The following ZNF423 variants were observed in gnomAD, a reference collection of about 807,000 sequenced individuals.
ZNF423 encodes zinc finger protein 423.
ZNF423 carries 12 observed loss-of-function variants against 95.8 expected under a neutral mutation model. That is an observed-to-expected ratio of 0.13 (90% CI 0.08 to 0.20). ZNF423 has a LOEUF of 0.20. ZNF423 is among the 10% of genes least tolerant of loss of function. ZNF423 has a pLI of 1.00. For synonymous variants in ZNF423, 749 were observed against 711.9 expected (o/e 1.05, Z -0.83); for missense variants, 1,316 against 1,737.1 (o/e 0.76, Z 4.31).
At chr16:49,574,853 A>G (rs1011662465) in intron 5 of ZNF423, among the ~76,000 whole-genome samples, 5 of 152,168 alleles carry the variant, frequency 3.3e-5, no homozygotes, top group African/African-American at 1.2e-4. Flanking sequence ...AATTATCAAA[A>G]TAACATTTTA....
chr16:49,532,977 G>T (rs375832254), intron 5 of ZNF423, among the ~76,000 whole-genome samples: 4 of 152,152 alleles, frequency 2.6e-5, no homozygotes, highest in African/African-American at 7.2e-5. Flanking sequence ...CCAATTCCAC[G>T]CATGGGCACG....
chr16:49,673,534 G>A (rs896645212), intron 3 of ZNF423, among the ~76,000 whole-genome samples: 1 of 152,216 alleles, frequency 6.6e-6, no homozygotes, highest in Non-Finnish European at 1.5e-5. Flanking sequence ...CACTGCCCTG[G>A]TTTCTAATTA....
At chr16:49,631,406 T>G (rs1387446875) in intron 4 of ZNF423, among the ~76,000 whole-genome samples, 1 of 151,352 alleles carries the variant, frequency 6.6e-6, no homozygotes, top group East Asian at 1.9e-4. Context: ...TCCTAGTCTA[T>G]CCCCACTCTC....
chr16:49,718,333 G>C (rs977044459), intron 3 of ZNF423, among the ~76,000 whole-genome samples: 2 of 152,188 alleles, frequency 1.3e-5, no homozygotes, highest in African/African-American at 4.8e-5. Flanking sequence ...TTGAACCAAG[G>C]AGGTGGAGGC....
At chr16:49,664,209 C>G in intron 3 of ZNF423, 2 of 985,498 alleles carry the variant, frequency 2.0e-6, no homozygotes, top group Non-Finnish European at 2.4e-6. Flanking sequence ...AGAGGCGCTT[C>G]CCACCGGCCC....
At position 49,555,288 on chromosome 16, in the gene ZNF423, T is replaced by C. The variant is rs142846085; in HGVS notation, c.3602-29794A>G. Among the ~76,000 whole-genome samples the C allele has an allele frequency of 1.5e-3, 227 of 152,348 alleles. 2 individuals carry two copies. The highest frequency in any genetic ancestry group is 9.6e-4 in the East Asian group (5 of 5,184). ...GCTGGGAAGGAACCTCTCCAGTCTA[T>C]ACCTGGAGCACCAGTAATTCAGTTC... is the stretch of plus-strand genomic sequence containing the variant. On this transcript the variant is annotated intron_variant, in intron 5 of 7. Transcript: ENST00000563137.
At chr16:49,789,300 G>A (rs1036812968) in intron 2 of ZNF423, among the ~76,000 whole-genome samples, 187 bp downstream of exon 2, 3 of 152,174 alleles carry the variant, frequency 2.0e-5, no homozygotes, top group Non-Finnish European at 4.4e-5. Flanking sequence ...ATTAGTCTCC[G>A]TATGTAATAG....
chr16:49,547,347 C>T (rs1005337319), intron 5 of ZNF423, among the ~76,000 whole-genome samples: 1 of 152,106 alleles, frequency 6.6e-6, no homozygotes. Flanking sequence ...AAAGGGGCCA[C>T]GATGCGTGAT....
At chr16:49,826,181 C>T (rs1213300499) in intron 1 of ZNF423, among the ~76,000 whole-genome samples, 2 of 152,168 alleles carry the variant, frequency 1.3e-5, no homozygotes, top group African/African-American at 2.4e-5. Context: ...CACTGCACTC[C>T]AGCCTGAGTG....
At position 49,656,965 on chromosome 16, in the gene ZNF423, C is replaced by T. The variant is rs72780322; in HGVS notation, c.302-18091G>A. Among the ~76,000 whole-genome samples the T allele has an allele frequency of 4.2e-3, 647 of 152,278 alleles. 5 individuals carry two copies. The highest frequency in any genetic ancestry group is 8.0e-3 in the Non-Finnish European group (544 of 68,032). On this transcript the variant is annotated intron_variant, in intron 3 of 7. Coordinates refer to ENST00000563137, the MANE Select transcript of ZNF423 (RefSeq NM_001379286.1). ...AGGGCTTTGAACATGGATTCCCTGA[C>T]CTCAGAGGCTGTGTTCCTAACCACC... is the stretch of plus-strand genomic sequence containing the variant.
intron 4 of ZNF423, among the ~76,000 whole-genome samples, chr16:49,628,142 C>T (rs1401819356): frequency 6.6e-6 from 1 of 151,086 alleles, no homozygotes; most frequent in Non-Finnish European, 1.5e-5. Context: ...CATCCATCGT[C>T]CATCTACCCA....
intron 1 of ZNF423, 119 bp from the exon 2 acceptor site, chr16:49,789,665 A>G: frequency 1.1e-6 from 1 of 894,634 alleles, no homozygotes; most frequent in Non-Finnish European, 1.6e-6. Context: ...ACCCATCACC[A>G]GGGGAGAGGG....
chr16:49,595,679 A>G (rs1248528224), intron 5 of ZNF423, among the ~76,000 whole-genome samples: 1 of 152,230 alleles, frequency 6.6e-6, no homozygotes, highest in African/African-American at 2.4e-5. Context: ...ACATCCACCA[A>G]AATAGCACCA....
chr16:49,507,895 C>T (rs562186988), intron 7 of ZNF423, among the ~76,000 whole-genome samples: 2 of 152,154 alleles, frequency 1.3e-5, no homozygotes, highest in Non-Finnish European at 2.9e-5. Context: ...CTGTGTTGAA[C>T]CAGGAAGCAC....
intron 7 of ZNF423, among the ~76,000 whole-genome samples, chr16:49,501,762 T>C (rs549622156): frequency 3.4e-4 from 52 of 152,210 alleles, no homozygotes; most frequent in African/African-American, 9.9e-4. Context: ...TTATCCTAAG[T>C]GAACTAATGC....
chr16:49,767,202 T>A (rs1352667800), intron 2 of ZNF423, among the ~76,000 whole-genome samples: 1 of 152,036 alleles, frequency 6.6e-6, no homozygotes, highest in Admixed American at 6.5e-5. Context: ...GTTATCCTCC[T>A]GCATCGGCCT....
At chr16:49,754,242 A>G (rs1352991060) in intron 2 of ZNF423, among the ~76,000 whole-genome samples, 1 of 152,060 alleles carries the variant, frequency 6.6e-6, no homozygotes, top group African/African-American at 2.4e-5. Flanking sequence ...AGCATTCATC[A>G]TTGCATTTAT....
At chr16:49,834,602 C>A (rs34050011) in intron 1 of ZNF423, among the ~76,000 whole-genome samples, 60,876 of 152,038 alleles carry the variant, frequency 0.4, 12,263 homozygotes, top group Middle Eastern at 0.49. Context: ...CCACTGCTCC[C>A]TGGGGTTGGG....
chr16:49,697,362 C>T (rs576787727), intron 3 of ZNF423, among the ~76,000 whole-genome samples: 12 of 152,254 alleles, frequency 7.9e-5, no homozygotes, highest in Admixed American at 7.2e-4. Flanking sequence ...TTTTAAAAGT[C>T]CCTCTGGCTT....
Sources: gnomAD v4.1 joint callset for allele counts (sites outside exome capture counted in the v4.1 genomes callset) on GRCh38, gnomAD v4.1.1 for gene constraint, MANE v1.5 for transcripts, NCBI Gene and HGNC (gene_info 2026-07-23, HGNC 2026-07-21) for gene names.